AHI1: variants seen among roughly 807,000 people sequenced by gnomAD.
The protein encoded by AHI1 is jouberin.
AHI1 carries 123 observed loss-of-function variants against 149.3 expected under a neutral mutation model. The observed-to-expected ratio is 0.82, with a 90% CI of 0.71 to 0.96. The LOEUF (loss-of-function observed/expected upper bound fraction) is 0.96, where lower values mean the gene tolerates loss of function less well. Ranked by LOEUF, AHI1 falls within the 40% of genes least tolerant of loss-of-function variation. The pLI, the probability that AHI1 is intolerant of heterozygous loss-of-function variation, is 0.00. For synonymous variants in AHI1, 475 were observed against 459.8 expected (o/e 1.03, Z -0.42); for missense variants, 1,439 against 1,422.7 (o/e 1.01, Z -0.18).
At chr6:135,320,593 A>G (rs1786666078) in intron 25 of AHI1, among the ~76,000 whole-genome samples, 1 of 152,196 alleles carries the variant, frequency 6.6e-6, no homozygotes, top group South Asian at 2.1e-4. Flanking sequence ...ATCTGGCCTC[A>G]TTAGCTTTTT....
At chr6:135,440,669 C>T (rs757139004) in intron 14 of AHI1, among the ~76,000 whole-genome samples, 2 of 152,134 alleles carry the variant, frequency 1.3e-5, no homozygotes, top group Non-Finnish European at 2.9e-5. Context: ...ACCAGTAGAC[C>T]TATCCACTCA....
chr6:135,450,708 T>C (rs1787959249), intron 11 of AHI1, among the ~76,000 whole-genome samples: 1 of 152,222 alleles, frequency 6.6e-6, no homozygotes, highest in Admixed American at 6.5e-5. Context: ...TTTACATTAA[T>C]ACGTTGCTTA....
At chr6:135,408,456 A>C (rs748160994) in intron 21 of AHI1, among the ~76,000 whole-genome samples, 1 of 152,020 alleles carries the variant, frequency 6.6e-6, no homozygotes, top group Non-Finnish European at 1.5e-5. Flanking sequence ...AAATAAATTT[A>C]TTAATTTATA....
Position 135,295,895 on chromosome 6 carries a change from C to T in AHI1, c.3485+4605G>A, listed in dbSNP as rs564788187. On this transcript the variant is annotated intron_variant, in intron 27 of 28. Transcript: ENST00000265602. ...TGAGATGGAGTCTCACTCTGTCTCC[C>T]GGGCTGGAGTGCAGTGGCACGATCT... 9.8e-5 allele frequency among the ~76,000 whole-genome samples: 15 copies of T among 152,304 alleles called. No homozygotes were observed. The East Asian group carries it at 2.1e-3, about 22-fold the overall frequency.
At chr6:135,380,823 T>C (rs1023157823) in intron 23 of AHI1, among the ~76,000 whole-genome samples, 5 of 148,038 alleles carry the variant, frequency 3.4e-5, no homozygotes, top group African/African-American at 1.2e-4. Context: ...TGGTATGGTA[T>C]TGAGAATGTG....
intron 26 of AHI1, among the ~76,000 whole-genome samples, chr6:135,303,751 G>C (rs183217890): frequency 6.6e-6 from 1 of 152,134 alleles, no homozygotes; most frequent in Non-Finnish European, 1.5e-5. Flanking sequence ...TATTCAAAAG[G>C]CTCATGTATA....
intron 27 of AHI1, among the ~76,000 whole-genome samples, chr6:135,297,899 C>T (rs756122683): frequency 3.3e-5 from 5 of 151,982 alleles, no homozygotes; most frequent in South Asian, 2.1e-4. Flanking sequence ...CATTTATAGC[C>T]GCACCATATT....
intron 24 of AHI1, among the ~76,000 whole-genome samples, chr6:135,325,027 ATTT>A (rs35569285): frequency 6.6e-5 from 9 of 136,544 alleles, no homozygotes; most frequent in East Asian, 2.1e-4. Flanking sequence ...ACAAATTACA[ATTT>A]TTTTTTTTTT....
At chr6:135,377,396 C>A (rs112383779) in intron 23 of AHI1, among the ~76,000 whole-genome samples, 1,731 of 152,210 alleles carry the variant, frequency 0.011, 37 homozygotes, top group African/African-American at 0.039. Flanking sequence ...TACAGTAGGC[C>A]ACCGAATCTT....
intron 14 of AHI1, among the ~76,000 whole-genome samples, chr6:135,440,536 T>C (rs1479438401): frequency 6.6e-6 from 1 of 152,146 alleles, no homozygotes; most frequent in Admixed American, 6.5e-5. Context: ...CAGGCTTTAC[T>C]TCTCACTCGG....
At chr6:135,488,134 A>C (rs1170881053) in intron 5 of AHI1, among the ~76,000 whole-genome samples, 2 of 152,144 alleles carry the variant, frequency 1.3e-5, no homozygotes, top group Admixed American at 6.5e-5. Context: ...TTGACTCTTA[A>C]GATACAAACA....
chr6:135,490,566 A>G (rs748527255), intron 5 of AHI1, 57 bp downstream of exon 5: 7 of 1,601,700 alleles, frequency 4.4e-6, no homozygotes, highest in Non-Finnish European at 6.0e-6. Context: ...AAATGCAGCC[A>G]TATCTGCATT....
At chr6:135,390,880 T>C (rs1487362797) in intron 23 of AHI1, among the ~76,000 whole-genome samples, 4 of 152,222 alleles carry the variant, frequency 2.6e-5, no homozygotes, top group Non-Finnish European at 2.9e-5. Context: ...TATTGTTTCA[T>C]AGATTTTCTT....
intron 5 of AHI1, among the ~76,000 whole-genome samples, chr6:135,481,169 C>T (rs372433504): frequency 1.3e-5 from 2 of 152,274 alleles, no homozygotes; most frequent in East Asian, 1.9e-4. Context: ...AGAGTCCTCA[C>T]CAGCAAAAAG....
chr6:135,456,497 A>G (rs1288148781), intron 9 of AHI1, among the ~76,000 whole-genome samples: 1 of 150,974 alleles, frequency 6.6e-6, no homozygotes, highest in African/African-American at 2.4e-5. Context: ...GTAAGCTGTG[A>G]TTGCACCACT....
chr6:135,376,679 C>T (rs545326528), intron 23 of AHI1, among the ~76,000 whole-genome samples: 4 of 151,724 alleles, frequency 2.6e-5, no homozygotes, highest in Admixed American at 6.6e-5. Flanking sequence ...GTCAGGAGTT[C>T]GAGACCAGCC....
At chr6:135,470,959 C>CT (rs948398005) in intron 5 of AHI1, among the ~76,000 whole-genome samples, 4 of 152,110 alleles carry the variant, frequency 2.6e-5, no homozygotes, top group African/African-American at 4.8e-5. Flanking sequence ...TCAGAATCTT[C>CT]TTTTTGTTTT....
chr6:135,335,605 A>G (rs1256211227), intron 24 of AHI1, among the ~76,000 whole-genome samples: 1 of 152,162 alleles, frequency 6.6e-6, no homozygotes, highest in Non-Finnish European at 1.5e-5. Context: ...ACCAAGGTGC[A>G]TGCAGATATA....
intron 23 of AHI1, among the ~76,000 whole-genome samples, chr6:135,386,467 T>C (rs1777600882): frequency 6.6e-6 from 1 of 151,948 alleles, no homozygotes; most frequent in Admixed American, 6.5e-5. Flanking sequence ...CCTGCCACCG[T>C]GCCCAGCTAA....
Sources: allele counts gnomAD v4.1 joint callset (sites outside exome capture counted in the v4.1 genomes callset), GRCh38; gene constraint gnomAD v4.1.1; transcripts MANE v1.5; gene names NCBI Gene and HGNC (gene_info 2026-07-23, HGNC 2026-07-21).